KCNIP1: variants seen among roughly 807,000 people sequenced by gnomAD.
KCNIP1 encodes potassium voltage-gated channel interacting protein 1.
KCNIP1 carries 18 observed loss-of-function variants against 33.0 expected under a neutral mutation model. The observed-to-expected ratio is 0.55, with a 90% CI of 0.38 to 0.81. The LOEUF (loss-of-function observed/expected upper bound fraction) is 0.81, where lower values mean the gene tolerates loss of function less well. Among genes scored for constraint, KCNIP1 ranks in the 30% least tolerant of loss-of-function variants. The probability of loss-of-function intolerance (pLI) is 0.00; values close to 1 mark genes in which losing one functional copy is unlikely to be tolerated. For missense variants in KCNIP1, 238 were observed against 271.6 expected (o/e 0.88, Z 0.87); for synonymous variants, 93 against 98.3 (o/e 0.95, Z 0.32).
intron 1 of KCNIP1, chr5:170,681,333 C>T (rs1762337519): frequency 5.2e-6 from 2 of 384,824 alleles, no homozygotes; most frequent in African/African-American, 2.1e-5. Flanking sequence ...TCCCCGCCTC[C>T]CCAGTCGCGC....
rs73801092 is a variant in KCNIP1, at chr5:170,614,030, G to A, written c.62-104728G>A. ...AAGTGAAGTGTTCAATTCCTGCATA[G>A]CCACCAACAAGTCCCTGGAAACACA... On this transcript the variant is annotated intron_variant, in intron 1 of 7. Coordinates refer to ENST00000328939, the MANE Select transcript of KCNIP1 (RefSeq NM_014592.4). 5.0e-3 allele frequency among the ~76,000 whole-genome samples: 756 copies of A among 152,308 alleles called. 5 individuals carry two copies. Among genetic ancestry groups the A allele is most frequent in the African/African-American group, 0.017 (705 of 41,566 alleles).
At chr5:170,549,926 G>A (rs548962386) in intron 1 of KCNIP1, among the ~76,000 whole-genome samples, 175 of 152,312 alleles carry the variant, frequency 1.1e-3, no homozygotes, top group Non-Finnish European at 2.2e-3. Context: ...TATAGAGAAA[G>A]TAAGATTTAT....
At chr5:170,591,182 A>C (rs1293467995) in intron 1 of KCNIP1, among the ~76,000 whole-genome samples, 1 of 152,214 alleles carries the variant, frequency 6.6e-6, no homozygotes, top group Non-Finnish European at 1.5e-5. Context: ...AAATGCGAAC[A>C]ATCCAGGCTC....
intron 1 of KCNIP1, among the ~76,000 whole-genome samples, chr5:170,640,228 A>G (rs1237734242): frequency 6.6e-6 from 1 of 152,110 alleles, no homozygotes; most frequent in Admixed American, 6.6e-5. Context: ...ATTGTTCCCA[A>G]CTCCTGAGAC....
intron 1 of KCNIP1, among the ~76,000 whole-genome samples, chr5:170,572,617 T>C (rs888087937): frequency 6.6e-6 from 1 of 152,244 alleles, no homozygotes; most frequent in East Asian, 1.9e-4. Flanking sequence ...TTTCAATGAT[T>C]AATCGCCTCT....
At chr5:170,460,881 T>A (rs559473850) in intron 1 of KCNIP1, among the ~76,000 whole-genome samples, 1 of 152,294 alleles carries the variant, frequency 6.6e-6, no homozygotes, top group African/African-American at 2.4e-5. Flanking sequence ...TGTTTGCTGA[T>A]GATATTATTG....
At chr5:170,661,037 C>A (rs1761464408) in intron 1 of KCNIP1, among the ~76,000 whole-genome samples, 1 of 152,220 alleles carries the variant, frequency 6.6e-6, no homozygotes, top group Admixed American at 6.5e-5. Context: ...ATAGAATGGG[C>A]ATTTTCTGGA....
At chr5:170,391,642 A>G (rs1240638523) in intron 1 of KCNIP1, among the ~76,000 whole-genome samples, 1 of 152,246 alleles carries the variant, frequency 6.6e-6, no homozygotes, top group Non-Finnish European at 1.5e-5. Flanking sequence ...TTCTTAAGGT[A>G]CTAGCACAAT....
intron 1 of KCNIP1, among the ~76,000 whole-genome samples, chr5:170,409,543 G>A (rs1232597343): frequency 6.6e-6 from 1 of 152,206 alleles, no homozygotes; most frequent in African/African-American, 2.4e-5. Flanking sequence ...GACACGCACA[G>A]GCTCTTGAGG....
chr5:170,617,854 T>C (rs1291683677), intron 1 of KCNIP1, among the ~76,000 whole-genome samples: 1 of 152,104 alleles, frequency 6.6e-6, no homozygotes, highest in East Asian at 1.9e-4. Context: ...GCAGAGAAAA[T>C]TAAAGTGATT....
intron 1 of KCNIP1, among the ~76,000 whole-genome samples, chr5:170,419,413 C>A (rs956559652): frequency 2.0e-5 from 3 of 152,226 alleles, no homozygotes; most frequent in Admixed American, 6.5e-5. Context: ...ACCACTCCCC[C>A]AGTCTAGACT....
chr5:170,593,115 C>T (rs958514570), intron 1 of KCNIP1, among the ~76,000 whole-genome samples: 2 of 152,140 alleles, frequency 1.3e-5, no homozygotes, highest in African/African-American at 2.4e-5. Context: ...AACTTAATTT[C>T]GACTCTCTAT....
chr5:170,577,795 T>A (rs1433819263), intron 1 of KCNIP1, among the ~76,000 whole-genome samples: 1 of 152,232 alleles, frequency 6.6e-6, no homozygotes, highest in Non-Finnish European at 1.5e-5. Context: ...AGATGTTCAA[T>A]GAAGTGTTAC....
intron 1 of KCNIP1, among the ~76,000 whole-genome samples, chr5:170,651,832 A>G (rs1032930896): frequency 1.1e-4 from 16 of 152,224 alleles, no homozygotes; most frequent in Non-Finnish European, 2.4e-4. Context: ...TGCTGGAGAC[A>G]TAATTTCCAG....
intron 1 of KCNIP1, among the ~76,000 whole-genome samples, chr5:170,566,835 C>A (rs1214334660): frequency 6.6e-6 from 1 of 152,136 alleles, no homozygotes; most frequent in Non-Finnish European, 1.5e-5. Flanking sequence ...TATTAAAATG[C>A]AAATCATAAA....
At chr5:170,610,109 G>A (rs1199923261) in intron 1 of KCNIP1, among the ~76,000 whole-genome samples, 1 of 152,178 alleles carries the variant, frequency 6.6e-6, no homozygotes, top group Non-Finnish European at 1.5e-5. Context: ...CTGACCAGCA[G>A]TATCAGCACT....
chr5:170,628,822 G>A (rs910194612), intron 1 of KCNIP1, among the ~76,000 whole-genome samples: 1 of 152,242 alleles, frequency 6.6e-6, no homozygotes, highest in Non-Finnish European at 1.5e-5. Context: ...CAGGGTTCAT[G>A]TTTGGAGTTT....
At chr5:170,692,489 G>A (rs575788325) in intron 1 of KCNIP1, among the ~76,000 whole-genome samples, 1 of 152,340 alleles carries the variant, frequency 6.6e-6, no homozygotes, top group African/African-American at 2.4e-5. Flanking sequence ...TTATGAGATT[G>A]CAACAATACA....
intron 1 of KCNIP1, among the ~76,000 whole-genome samples, chr5:170,506,777 G>A (rs898618383): frequency 6.6e-6 from 1 of 152,202 alleles, no homozygotes; most frequent in Non-Finnish European, 1.5e-5. Context: ...ACAAGCTATC[G>A]AAGCACTGGG....
Sources: gnomAD v4.1 joint callset for allele counts (sites outside exome capture counted in the v4.1 genomes callset) on GRCh38, gnomAD v4.1.1 for gene constraint, MANE v1.5 for transcripts, NCBI Gene and HGNC (gene_info 2026-07-23, HGNC 2026-07-21) for gene names.